Variants in SCFD2 observed in about 807,000 individuals in gnomAD.
SCFD2 encodes the protein sec1 family domain-containing protein 2.
A neutral mutation model predicts 58.9 loss-of-function variants in SCFD2; 54 were observed. The observed-to-expected ratio is 0.92, with a 90% CI of 0.74 to 1.15. The LOEUF (loss-of-function observed/expected upper bound fraction) is 1.15, where lower values mean the gene tolerates loss of function less well. Among genes scored for constraint, SCFD2 ranks in the 50% most tolerant of loss-of-function variants. SCFD2 has a pLI of 0.00. For missense variants in SCFD2, 805 were observed against 836.6 expected, an observed-to-expected ratio of 0.96 and a Z score of 0.47; for synonymous variants, 321 against 335.9, an observed-to-expected ratio of 0.96 and a Z score of 0.49.
At chr4:53,130,179 A>T (rs1266775873) in intron 5 of SCFD2, among the ~76,000 whole-genome samples, 1 of 152,230 alleles carries the variant, frequency 6.6e-6, no homozygotes, top group Non-Finnish European at 1.5e-5. Flanking sequence ...GAAAAATCCA[A>T]TTATAAATAA....
intron 4 of SCFD2, among the ~76,000 whole-genome samples, chr4:53,231,017 G>A (rs1162060796): frequency 6.6e-6 from 1 of 152,076 alleles, no homozygotes; most frequent in Non-Finnish European, 1.5e-5. Flanking sequence ...CTAACAGTAT[G>A]GGTATAGTTG....
chr4:53,315,798 T>C (rs1257411198), intron 2 of SCFD2, among the ~76,000 whole-genome samples: 1 of 152,174 alleles, frequency 6.6e-6, no homozygotes, highest in Non-Finnish European at 1.5e-5. Context: ...GAGTAGAATG[T>C]CACTACCCTC....
intron 5 of SCFD2, among the ~76,000 whole-genome samples, chr4:53,046,929 C>G (rs941201275): frequency 2.0e-5 from 3 of 152,192 alleles, no homozygotes; most frequent in Non-Finnish European, 4.4e-5. Flanking sequence ...GCATTGGTCT[C>G]CCAAAGTGCT....
chr4:53,233,801 G>A (rs1010328345), intron 4 of SCFD2, among the ~76,000 whole-genome samples: 1 of 152,164 alleles, frequency 6.6e-6, no homozygotes, highest in African/African-American at 2.4e-5. Flanking sequence ...TATTCTGCAA[G>A]AAGAAATGAA....
chr4:53,207,693 G>T (rs1728478470), intron 4 of SCFD2, among the ~76,000 whole-genome samples: 1 of 54,030 alleles, frequency 1.9e-5, no homozygotes, highest in Non-Finnish European at 4.5e-5. Context: ...GAATCATGGG[G>T]GCAGATTTCC....
intron 7 of SCFD2, among the ~76,000 whole-genome samples, chr4:52,899,128 T>G (rs1719109034): frequency 6.6e-6 from 1 of 152,266 alleles, no homozygotes; most frequent in Admixed American, 6.5e-5. Flanking sequence ...ACCTTTTAAT[T>G]GGAGCATGTA....
chr4:53,221,031 G>A (rs1158123396), intron 4 of SCFD2, among the ~76,000 whole-genome samples: 2 of 152,188 alleles, frequency 1.3e-5, no homozygotes, highest in Non-Finnish European at 2.9e-5. Context: ...AAGGTAATAA[G>A]CAGCAGAGTA....
intron 4 of SCFD2, among the ~76,000 whole-genome samples, chr4:53,228,723 C>T (rs1189548704): frequency 2.0e-5 from 3 of 152,080 alleles, no homozygotes; most frequent in African/African-American, 7.2e-5. Context: ...GACAGGGATG[C>T]CCTCTCTCAC....
chr4:53,280,862 C>T (rs1428066347), intron 3 of SCFD2, among the ~76,000 whole-genome samples: 2 of 152,078 alleles, frequency 1.3e-5, no homozygotes, highest in Non-Finnish European at 2.9e-5. Flanking sequence ...GGAATTATGT[C>T]AATATTATTC....
intron 4 of SCFD2, among the ~76,000 whole-genome samples, chr4:53,228,482 G>C (rs1028465243): frequency 2.0e-5 from 3 of 152,024 alleles, no homozygotes; most frequent in Non-Finnish European, 4.4e-5. Context: ...TCTTTTATGA[G>C]TTTGATGAAG....
At chr4:53,087,876 G>A (rs1724358235) in intron 5 of SCFD2, among the ~76,000 whole-genome samples, 1 of 150,286 alleles carries the variant, frequency 6.7e-6, no homozygotes, top group South Asian at 2.1e-4. Context: ...GGCCAGGCTG[G>A]TCTTGAACTC....
intron 1 of SCFD2, among the ~76,000 whole-genome samples, chr4:53,358,238 G>T (rs1475061767): frequency 2.0e-5 from 3 of 152,044 alleles, no homozygotes; most frequent in Non-Finnish European, 4.4e-5. Flanking sequence ...TAATCAAAAG[G>T]ATTTTAATTT....
intron 5 of SCFD2, among the ~76,000 whole-genome samples, chr4:52,987,179 C>A (rs1019791927): frequency 6.6e-6 from 1 of 152,166 alleles, no homozygotes; most frequent in Non-Finnish European, 1.5e-5. Context: ...CAGGTGCCGG[C>A]CACTGCGCCC....
chr4:53,133,196 C>T (rs1029800598), intron 5 of SCFD2, among the ~76,000 whole-genome samples: 3 of 151,830 alleles, frequency 2.0e-5, no homozygotes, highest in East Asian at 1.9e-4. Flanking sequence ...GGCGTGGTGG[C>T]GGGTGCCTGT....
chr4:53,159,663 C>T (rs1303570545), intron 4 of SCFD2, among the ~76,000 whole-genome samples: 2 of 152,144 alleles, frequency 1.3e-5, no homozygotes, highest in Non-Finnish European at 2.9e-5. Context: ...AAGTTAAAAC[C>T]TCCAGCAGAG....
At chr4:52,915,380 C>T (rs1279886918) in intron 6 of SCFD2, among the ~76,000 whole-genome samples, 1 of 152,172 alleles carries the variant, frequency 6.6e-6, no homozygotes, top group African/African-American at 2.4e-5. Flanking sequence ...CTCAGAAAAA[C>T]CAGGCTTACT....
chr4:53,308,414 T>C (rs910956829), intron 3 of SCFD2, among the ~76,000 whole-genome samples: 4 of 152,328 alleles, frequency 2.6e-5, no homozygotes, highest in African/African-American at 7.2e-5. Context: ...TACTAGGTTT[T>C]AACTTTTCCT....
At chr4:53,132,896 G>A (rs1306786490) in intron 5 of SCFD2, among the ~76,000 whole-genome samples, 8 of 152,162 alleles carry the variant, frequency 5.3e-5, no homozygotes, top group Non-Finnish European at 1.2e-4. Flanking sequence ...CTGTCCTGAG[G>A]AGCAGAAATA....
chr4:53,313,709 C>T lies in SCFD2; in HGVS notation c.1062G>A (p.Glu354=). 1.2e-6 allele frequency: 2 copies of T among 1,614,036 alleles called. No homozygotes were observed. Among genetic ancestry groups the T allele is most frequent in the Non-Finnish European group, 1.7e-6 (2 of 1,179,936 alleles). Residue 354 remains glutamate (E), a synonymous_variant, in exon 3 of 9, where the codon GAG becomes GAA. Coordinates refer to ENST00000401642, the MANE Select transcript of SCFD2 (RefSeq NM_152540.4). Reference sequence around the variant, plus strand: ...GATGTCTCCGAACTTCCATCACTGCCTCTTTGTGCTTAGTGTTCAGTAAAG... The same window carrying T: ...GATGTCTCCGAACTTCCATCACTGCTTCTTTGTGCTTAGTGTTCAGTAAAG... ...WEALLNTKHK[E]AVMEVRRHLV...
Sources: allele counts gnomAD v4.1 joint callset (sites outside exome capture counted in the v4.1 genomes callset), GRCh38; gene constraint gnomAD v4.1.1; transcripts MANE v1.5; gene names NCBI Gene and HGNC (gene_info 2026-07-23, HGNC 2026-07-21).